The following PARD3 variants were observed in gnomAD, a reference collection of about 807,000 sequenced individuals.
The protein encoded by PARD3 is partitioning defective 3 homolog.
PARD3 carries 75 observed loss-of-function variants against 155.4 expected under a neutral mutation model. That is an observed-to-expected ratio of 0.48 (90% CI 0.40 to 0.58). The LOEUF (loss-of-function observed/expected upper bound fraction) is 0.58. Among genes scored for constraint, PARD3 ranks in the 20% least tolerant of loss-of-function variants. The pLI, the probability that PARD3 is intolerant of heterozygous loss-of-function variation, is 0.00. For synonymous variants in PARD3, 576 were observed against 610.5 expected, an observed-to-expected ratio of 0.94 and a Z score of 0.83; for missense variants, 1,642 against 1,721.7, an observed-to-expected ratio of 0.95 and a Z score of 0.82.
intron 22 of PARD3, among the ~76,000 whole-genome samples, chr10:34,145,207 ATATATATATATATATTTTTTT>A (rs1948415258): frequency 1.6e-5 from 1 of 63,094 alleles, no homozygotes; most frequent in African/African-American, 8.7e-5. Context: ...ATATATATAT[ATATATATATATATATTTTTTT>A]TTTTTTTTTT....
chr10:34,431,154 A>C (rs1350702010), intron 5 of PARD3, among the ~76,000 whole-genome samples: 1 of 152,164 alleles, frequency 6.6e-6, no homozygotes, highest in Non-Finnish European at 1.5e-5. Flanking sequence ...TGATGCTGAG[A>C]TCCATCTTGG....
chr10:34,578,222 G>A (rs1004635582), intron 2 of PARD3, among the ~76,000 whole-genome samples: 2 of 151,854 alleles, frequency 1.3e-5, no homozygotes, highest in Non-Finnish European at 2.9e-5. Flanking sequence ...GCAAAACTTC[G>A]TGCTGAAAAA....
intron 20 of PARD3, among the ~76,000 whole-genome samples, chr10:34,313,072 C>T (rs1295882381): frequency 6.6e-6 from 1 of 152,168 alleles, no homozygotes; most frequent in Non-Finnish European, 1.5e-5. Flanking sequence ...CATTAAAAAA[C>T]ATATCTCCCT....
intron 23 of PARD3, among the ~76,000 whole-genome samples, chr10:34,121,756 C>T (rs1947017576): frequency 1.3e-5 from 2 of 152,154 alleles, no homozygotes; most frequent in African/African-American, 2.4e-5. Context: ...TATCCCGATA[C>T]AAAAATAATG....
intron 22 of PARD3, among the ~76,000 whole-genome samples, chr10:34,204,372 G>T (rs1951364381): frequency 6.6e-6 from 1 of 152,200 alleles, no homozygotes; most frequent in Non-Finnish European, 1.5e-5. Flanking sequence ...AGTGGTGGCA[G>T]GCTGGAAAGC....
In PARD3 at chr10:34,723,639, T is replaced by C. The variant is rs185152216; in HGVS notation, c.121-27220A>G. Among the ~76,000 whole-genome samples, 24 of 152,354 alleles carry C rather than the reference T, an allele frequency of 1.6e-4. No homozygotes were observed. In the East Asian group the frequency reaches 4.4e-3, roughly 28 times the overall value. ...ATCATAGTAATTAATCTCAGCTTTA[T>C]GATGTCAGAAGACTTTTAAACTTCC... is the stretch of plus-strand genomic sequence containing the variant. On this transcript the variant is annotated intron_variant, in intron 1 of 24. Transcript: ENST00000374788.
intron 23 of PARD3, among the ~76,000 whole-genome samples, chr10:34,128,682 A>G (rs767966335): frequency 3.3e-5 from 5 of 152,206 alleles, no homozygotes; most frequent in Non-Finnish European, 7.3e-5. Context: ...TTGCTCCACA[A>G]AATTAATCTT....
chr10:34,670,026 G>A (rs1482123059), intron 2 of PARD3, among the ~76,000 whole-genome samples: 1 of 152,230 alleles, frequency 6.6e-6, no homozygotes, highest in Non-Finnish European at 1.5e-5. Context: ...CACAGGTTAT[G>A]TTAGCAGGGC....
At chr10:34,759,740 T>TA in intron 1 of PARD3, among the ~76,000 whole-genome samples, 1 of 152,338 alleles carries the variant, frequency 6.6e-6, no homozygotes, top group East Asian at 1.9e-4. Flanking sequence ...TGTGCTGCGG[T>TA]AAAAATACTA....
chr10:34,654,364 G>A (rs1183476098), intron 2 of PARD3, among the ~76,000 whole-genome samples: 1 of 152,134 alleles, frequency 6.6e-6, no homozygotes, highest in African/African-American at 2.4e-5. Context: ...TTACAGACGT[G>A]CTAAAAGGTT....
intron 21 of PARD3, among the ~76,000 whole-genome samples, chr10:34,282,643 T>C (rs1283083643): frequency 1.3e-5 from 2 of 152,088 alleles, no homozygotes; most frequent in Non-Finnish European, 2.9e-5. Context: ...TATCAAGATA[T>C]AGGGGAGGTA....
At chr10:34,165,418 C>T (rs930860545) in intron 22 of PARD3, among the ~76,000 whole-genome samples, 17 of 152,158 alleles carry the variant, frequency 1.1e-4, no homozygotes, top group Non-Finnish European at 1.9e-4. Flanking sequence ...CAGGACACTT[C>T]GAAATTTTAA....
intron 20 of PARD3, among the ~76,000 whole-genome samples, chr10:34,301,062 T>C (rs1158935915): frequency 6.6e-6 from 1 of 152,208 alleles, no homozygotes; most frequent in Non-Finnish European, 1.5e-5. Context: ...GCTCAAAAAC[T>C]ATGGAAATCT....
At chr10:34,597,641 T>C (rs957387776) in intron 2 of PARD3, among the ~76,000 whole-genome samples, 8 of 152,192 alleles carry the variant, frequency 5.3e-5, no homozygotes, top group Non-Finnish European at 8.8e-5. Flanking sequence ...ATTGAAAACA[T>C]TGTTTCCAAG....
chr10:34,521,826 A>G (rs982002273), intron 2 of PARD3, among the ~76,000 whole-genome samples: 3 of 152,242 alleles, frequency 2.0e-5, no homozygotes, highest in African/African-American at 7.2e-5. Flanking sequence ...TTAAGACCTG[A>G]AAGCCCACAA....
In PARD3 at chr10:34,457,604, C is replaced by T. The variant is rs577346933; in HGVS notation, c.583-7156G>A. On this transcript the variant is annotated intron_variant, in intron 4 of 24. Coordinates refer to ENST00000374788, the MANE Select transcript of PARD3 (RefSeq NM_001184785.2). The stretch of plus-strand genomic sequence containing the variant: ...TGCCCAAATTCTACTCACTCAATTT[C>T]CTTTTTCTTTTTTTGAGACAGGGTC... Among the ~76,000 whole-genome samples the T allele has an allele frequency of 6.8e-4, 104 of 152,156 alleles. 1 individual carries two copies. In the South Asian group the frequency reaches 7.9e-3, roughly 12 times the overall value.
chr10:34,766,120 G>A (rs1838053291), intron 1 of PARD3, among the ~76,000 whole-genome samples: 1 of 152,188 alleles, frequency 6.6e-6, no homozygotes, highest in East Asian at 1.9e-4. Context: ...ATTTATTAAT[G>A]ATTCACTGGT....
intron 22 of PARD3, among the ~76,000 whole-genome samples, chr10:34,144,737 C>T (rs1213278189): frequency 6.6e-6 from 1 of 152,224 alleles, no homozygotes; most frequent in Non-Finnish European, 1.5e-5. Context: ...CCATCTTCCA[C>T]ATCTTCCCAA....
chr10:34,684,820 C>CACACACACACACAT (rs2093919930), intron 2 of PARD3, among the ~76,000 whole-genome samples: 1 of 125,574 alleles, frequency 8.0e-6, no homozygotes, highest in Non-Finnish European at 1.6e-5. Context: ...CACACACACA[C>CACACACACACACAT]ACACACACAC....
Sources: gnomAD v4.1 joint callset for allele counts (sites outside exome capture counted in the v4.1 genomes callset) on GRCh38, gnomAD v4.1.1 for gene constraint, MANE v1.5 for transcripts, NCBI Gene and HGNC (gene_info 2026-07-23, HGNC 2026-07-21) for gene names.